GOLGA4: variants seen among roughly 807,000 people sequenced by gnomAD.
GOLGA4 encodes the protein golgin subfamily A member 4.
Under a neutral mutation model 265.9 loss-of-function variants are expected in GOLGA4, and 169 were observed. That is an observed-to-expected ratio of 0.64 (90% CI 0.56 to 0.72). The LOEUF (loss-of-function observed/expected upper bound fraction) is 0.72, where lower values mean the gene tolerates loss of function less well. Ranked by LOEUF, GOLGA4 falls within the 30% of genes least tolerant of loss-of-function variation. GOLGA4 has a pLI of 0.00. For synonymous variants in GOLGA4, 923 were observed against 855.8 expected, an observed-to-expected ratio of 1.08 and a Z score of -1.37; for missense variants, 2,482 against 2,483.4, an observed-to-expected ratio of 1.00 and a Z score of 0.01.
chr3:37,256,725 G>A (rs1178984565), intron 2 of GOLGA4, among the ~76,000 whole-genome samples: 1 of 152,004 alleles, frequency 6.6e-6, no homozygotes, highest in African/African-American at 2.4e-5. Context: ...TGCTTCCCTA[G>A]TTCTGGGTTG....
At chr3:37,253,935 G>A (rs2096740934) in intron 2 of GOLGA4, among the ~76,000 whole-genome samples, 1 of 151,402 alleles carries the variant, frequency 6.6e-6, no homozygotes, top group Non-Finnish European at 1.5e-5. Context: ...AGAATCAATT[G>A]AACTCAGGAG....
At position 37,315,518 on chromosome 3, in the gene GOLGA4, G is replaced by A. The variant is rs564717378; in HGVS notation, c.1333G>A (p.Glu445Lys). 5.0e-6 allele frequency: 8 copies of A among 1,613,830 alleles called. No homozygotes were observed. In the South Asian group the frequency reaches 6.6e-5, roughly 13 times the overall value. ...AEMDEQIKTI[E>K]KTSEEERISL... ...AATGGATGAACAAATAAAAACTATC[G>A]AAAAAACAAGTGAGGAGGAACGCAT... The change falls in exon 11 of 24, where the codon GAA (glutamate) becomes AAA (lysine). Residue 445 changes from glutamate to lysine, a missense_variant. Glu to Lys is a moderately conservative substitution (Grantham distance 56). This residue lies in a region of GOLGA4 where 1,536 missense variants were observed against 1,483.7 expected (regional missense o/e 1.04). Coordinates refer to ENST00000361924, the MANE Select transcript of GOLGA4 (RefSeq NM_002078.5).
chr3:37,363,999 T>G (rs1331548870), intron 23 of GOLGA4, among the ~76,000 whole-genome samples: 1 of 152,190 alleles, frequency 6.6e-6, no homozygotes, highest in East Asian at 1.9e-4. Context: ...TGTTGGTGTC[T>G]TCTTTAGGTT....
intron 12 of GOLGA4, among the ~76,000 whole-genome samples, chr3:37,321,089 A>G (rs1477763100): frequency 6.6e-6 from 1 of 152,202 alleles, no homozygotes; most frequent in Non-Finnish European, 1.5e-5. Flanking sequence ...GAGTTCAATT[A>G]AGAAATTAAC....
intron 2 of GOLGA4, among the ~76,000 whole-genome samples, chr3:37,255,137 G>A (rs931673626): frequency 2.0e-5 from 3 of 151,174 alleles, no homozygotes; most frequent in African/African-American, 7.3e-5. Flanking sequence ...ATCCTTATAG[G>A]TTTGTTTTGT....
intron 12 of GOLGA4, chr3:37,319,405 T>A: frequency 3.2e-6 from 1 of 314,440 alleles, no homozygotes; most frequent in Non-Finnish European, 6.1e-6. Flanking sequence ...ACACTTTCTT[T>A]TTTTTATGAG....
intron 21 of GOLGA4, among the ~76,000 whole-genome samples, chr3:37,350,636 A>G (rs746090569): frequency 6.6e-6 from 1 of 152,084 alleles, no homozygotes; most frequent in Non-Finnish European, 1.5e-5. Context: ...ATTTCATGCC[A>G]CATGTTTACA....
chr3:37,315,896 A>G (rs2096936337), intron 11 of GOLGA4, among the ~76,000 whole-genome samples: 1 of 152,194 alleles, frequency 6.6e-6, no homozygotes, highest in Admixed American at 6.5e-5. Context: ...TAGCTGCTTC[A>G]GTAGTATATC....
At chr3:37,354,526 C>T (rs144178468) in intron 21 of GOLGA4, among the ~76,000 whole-genome samples, 1 of 151,954 alleles carries the variant, frequency 6.6e-6, no homozygotes, top group Non-Finnish European at 1.5e-5. Context: ...GTTTTGCAAG[C>T]CATGTGTAAT....
chr3:37,291,687 A>G (rs887550265), intron 5 of GOLGA4, among the ~76,000 whole-genome samples: 2 of 152,190 alleles, frequency 1.3e-5, no homozygotes, highest in African/African-American at 2.4e-5. Context: ...GATGCTGCCA[A>G]TTAGATTTGC....
At chr3:37,257,953 GTATATATGTATATATACATACATATATA>G (rs1560279852) in intron 2 of GOLGA4, among the ~76,000 whole-genome samples, 16 of 93,146 alleles carry the variant, frequency 1.7e-4, no homozygotes, top group Non-Finnish European at 2.3e-4. Context: ...ATATATGTAT[GTATATATGTATATATACATACATATATA>G]TATGTATGTA....
intron 2 of GOLGA4, among the ~76,000 whole-genome samples, chr3:37,273,808 T>C (rs2096805522): frequency 6.6e-6 from 1 of 152,166 alleles, no homozygotes; most frequent in African/African-American, 2.4e-5. Flanking sequence ...TTTTAAAAAT[T>C]AATGCAAGGC....
intron 20 of GOLGA4, among the ~76,000 whole-genome samples, chr3:37,344,730 T>C (rs558720992): frequency 2.0e-5 from 3 of 152,326 alleles, no homozygotes; most frequent in African/African-American, 7.2e-5. Flanking sequence ...TCTTAACTCT[T>C]TGAATGTCCA....
chr3:37,364,760 TAA>T (rs372948979), intron 23 of GOLGA4, among the ~76,000 whole-genome samples: 5 of 145,358 alleles, frequency 3.4e-5, no homozygotes, highest in Non-Finnish European at 7.7e-5. Flanking sequence ...CTATTTTTTT[TAA>T]AAAAAAGTTT....
At chr3:37,353,896 C>CT (rs1389837647) in intron 21 of GOLGA4, among the ~76,000 whole-genome samples, 2 of 151,788 alleles carry the variant, frequency 1.3e-5, no homozygotes, top group African/African-American at 2.4e-5. Flanking sequence ...CCCGACTGAA[C>CT]TTTTTTTACT....
intron 13 of GOLGA4, among the ~76,000 whole-genome samples, chr3:37,322,281 T>C (rs2096957151): frequency 6.6e-6 from 1 of 152,206 alleles, no homozygotes; most frequent in African/African-American, 2.4e-5. Context: ...CCTCTGCTTA[T>C]ATCACAGTTT....
chr3:37,259,358 G>A (rs1010619327), intron 2 of GOLGA4, among the ~76,000 whole-genome samples: 1 of 152,230 alleles, frequency 6.6e-6, no homozygotes, highest in African/African-American at 2.4e-5. Flanking sequence ...AATTAGGAAT[G>A]TAGTTTTTGT....
intron 1 of GOLGA4, chr3:37,245,453 ATCTG>A (rs569089389): frequency 6.6e-6 from 1 of 152,366 alleles, no homozygotes; most frequent in East Asian, 1.9e-4. Flanking sequence ...GGGAAAAAGA[ATCTG>A]TATGTAAGTG....
At chr3:37,266,273 C>G (rs771451790) in intron 2 of GOLGA4, among the ~76,000 whole-genome samples, 3 of 152,084 alleles carry the variant, frequency 2.0e-5, no homozygotes, top group Non-Finnish European at 4.4e-5. Flanking sequence ...GATCTCGGCT[C>G]ACTGCAACCT....
Sources: gnomAD v4.1 joint callset for allele counts (sites outside exome capture counted in the v4.1 genomes callset) on GRCh38, gnomAD v4.1.1 for gene constraint, gnomAD v4.1.1 regional missense constraint, MANE v1.5 for transcripts, NCBI Gene and HGNC (gene_info 2026-07-23, HGNC 2026-07-21) for gene names.